EPB41L4A: variants seen among roughly 807,000 people sequenced by gnomAD.
EPB41L4A encodes erythrocyte membrane protein band 4.1 like 4A.
Under a neutral mutation model 108.6 loss-of-function variants are expected in EPB41L4A, and 100 were observed. That is an observed-to-expected ratio of 0.92 (90% confidence interval 0.78 to 1.09). The LOEUF (loss-of-function observed/expected upper bound fraction) is 1.09, where lower values mean the gene tolerates loss of function less well. EPB41L4A is among the 50% of genes least tolerant of loss of function. EPB41L4A has a pLI of 0.00. For missense variants in EPB41L4A, 1,030 were observed against 842.7 expected (o/e 1.22, Z -2.75); for synonymous variants, 319 against 289.0 (o/e 1.10, Z -1.05).
intron 1 of EPB41L4A, among the ~76,000 whole-genome samples, chr5:112,396,365 T>C (rs1761352135): frequency 6.6e-6 from 1 of 152,232 alleles, no homozygotes; most frequent in Admixed American, 6.5e-5. Context: ...GACTATGTCA[T>C]ATTGAGTTTT....
downstream of EPB41L4A, among the ~76,000 whole-genome samples, chr5:112,160,294 T>C (rs554841638): frequency 2.2e-4 from 34 of 152,248 alleles, no homozygotes; most frequent in Admixed American, 1.7e-3. Flanking sequence ...CGCTACCCTA[T>C]GGCATGACCC....
chr5:112,339,474 CTATATATATATATATA>C lies in EPB41L4A; in HGVS notation c.100-32000_100-31985del, dbSNP rs56972746. On this transcript the variant is annotated intron_variant, in intron 1 of 22. Coordinates refer to ENST00000261486, the MANE Select transcript of EPB41L4A (RefSeq NM_022140.5). ...TATATAGCTATAGATATATATATAT[CTATATATATATATATA>C]TATATCTATATATATATATAGATAT... 5.8e-4 allele frequency among the ~76,000 whole-genome samples: 67 copies of C among 115,682 alleles called. 1 individual carries two copies. The highest frequency in any genetic ancestry group is 2.4e-3 in the African/African-American group (64 of 26,192). The allele number at this position is 115,682 out of a possible 152,430, so 75.9% of individuals were successfully genotyped here. A position where few individuals can be genotyped will look rare whatever the true frequency, so the allele number is the denominator to read the frequency against.
At chr5:112,300,043 G>T (rs1754252815) in intron 2 of EPB41L4A, among the ~76,000 whole-genome samples, 1 of 152,090 alleles carries the variant, frequency 6.6e-6, no homozygotes, top group Non-Finnish European at 1.5e-5. Context: ...GTCCTTATAT[G>T]TTAGGTGAGT....
At chr5:112,335,488 T>G (rs889647810) in intron 1 of EPB41L4A, among the ~76,000 whole-genome samples, 1 of 152,208 alleles carries the variant, frequency 6.6e-6, no homozygotes, top group Admixed American at 6.5e-5. Flanking sequence ...CTTCTAGACA[T>G]TCATGTCTAT....
chr5:112,347,317 GC>G (rs1212900601), intron 1 of EPB41L4A, among the ~76,000 whole-genome samples: 3 of 152,202 alleles, frequency 2.0e-5, no homozygotes, highest in Non-Finnish European at 2.9e-5. Context: ...ATGGTGGAAA[GC>G]AATGGTAGTT....
At chr5:112,283,582 G>C (rs1753094302) in intron 2 of EPB41L4A, among the ~76,000 whole-genome samples, 1 of 152,154 alleles carries the variant, frequency 6.6e-6, no homozygotes, top group African/African-American at 2.4e-5. Context: ...CTGTTTTAAG[G>C]AATACATCCA....
At chr5:112,293,337 T>C (rs1740704195) in intron 2 of EPB41L4A, among the ~76,000 whole-genome samples, 1 of 152,128 alleles carries the variant, frequency 6.6e-6, no homozygotes, top group African/African-American at 2.4e-5. Context: ...CTGGTACCCA[T>C]TAGTTATTTT....
At position 112,218,108 on chromosome 5, in the gene EPB41L4A, G is replaced by A. The variant is rs79511988; in HGVS notation, c.1088-8126C>T. Among the ~76,000 whole-genome samples, 2,190 of 152,300 alleles carry A rather than the reference G, an allele frequency of 0.014. 223 individuals are homozygous for A. The East Asian group carries it at 0.26, about 18-fold the overall frequency. ...GAGGTACTCACAGACAGTCCTCCTT[G>A]TGGGTCAGAATGCCAGGTTCAAAAA... On this transcript the variant is annotated intron_variant, in intron 12 of 22. Transcript: ENST00000261486.
intron 9 of EPB41L4A, among the ~76,000 whole-genome samples, chr5:112,243,400 A>G (rs1447229113): frequency 6.6e-6 from 1 of 152,096 alleles, no homozygotes; most frequent in East Asian, 1.9e-4. Flanking sequence ...TCATTTGTAT[A>G]GAACCCAGAA....
chr5:112,340,340 T>G (rs948417022), intron 1 of EPB41L4A, among the ~76,000 whole-genome samples: 1 of 152,188 alleles, frequency 6.6e-6, no homozygotes, highest in Non-Finnish European at 1.5e-5. Flanking sequence ...GAGCTCCTAA[T>G]TCAGCTGATC....
At chr5:112,292,798 AT>A (rs1018947361) in intron 2 of EPB41L4A, among the ~76,000 whole-genome samples, 1 of 152,076 alleles carries the variant, frequency 6.6e-6, no homozygotes, top group African/African-American at 2.4e-5. Flanking sequence ...GAAACCCTAA[AT>A]TTAAAAAAAA....
chr5:112,253,069 C>G (rs983957857), intron 9 of EPB41L4A, among the ~76,000 whole-genome samples: 9 of 152,084 alleles, frequency 5.9e-5, no homozygotes, highest in South Asian at 2.1e-4. Flanking sequence ...TCAATGAATG[C>G]TAAATTTACA....
intron 1 of EPB41L4A, among the ~76,000 whole-genome samples, chr5:112,374,475 C>A (rs542193830): frequency 6.6e-6 from 1 of 152,158 alleles, no homozygotes; most frequent in Non-Finnish European, 1.5e-5. Flanking sequence ...AAAAATGATT[C>A]GCACTATAAA....
At chr5:112,329,605 C>G (rs1477979463) in intron 1 of EPB41L4A, among the ~76,000 whole-genome samples, 1 of 152,208 alleles carries the variant, frequency 6.6e-6, no homozygotes, top group African/African-American at 2.4e-5. Context: ...TTCCTGCCTT[C>G]CGGTTCATGG....
At chr5:112,249,300 C>T (rs1481851752) in intron 9 of EPB41L4A, 1 of 152,056 alleles carries the variant, frequency 6.6e-6, no homozygotes, top group Non-Finnish European at 1.5e-5. Flanking sequence ...AGTTTAGGTT[C>T]CAGGGAGAGA....
rs531074634 is a variant in EPB41L4A, at chr5:112,165,199, T to G, written c.1933-81A>C. 2.8e-6 allele frequency: 3 copies of G among 1,078,394 alleles called. No homozygotes were observed. In the African/African-American group the frequency reaches 4.8e-5, roughly 17 times the overall value. 66.8% of individuals were successfully genotyped at this position (1,078,394 alleles called of 1,614,324 possible). On this transcript the variant is annotated intron_variant, in intron 22 of 22. Coordinates refer to ENST00000261486, the MANE Select transcript of EPB41L4A (RefSeq NM_022140.5). ...ATTTTAATTACATCAGAAACCAAGC[T>G]GCTCTTAAATTTAAGATACTGAGTT... is the stretch of plus-strand genomic sequence containing the variant.
chr5:112,297,231 G>A (rs1213263882), intron 2 of EPB41L4A, among the ~76,000 whole-genome samples: 1 of 152,120 alleles, frequency 6.6e-6, no homozygotes, highest in Non-Finnish European at 1.5e-5. Flanking sequence ...TTCCATAGTG[G>A]CTGTACTAGT....
At chr5:112,270,285 G>A (rs1580575745) in intron 4 of EPB41L4A, among the ~76,000 whole-genome samples, 1 of 152,130 alleles carries the variant, frequency 6.6e-6, no homozygotes. Context: ...TTTGATTTTA[G>A]GTGCTAGCTG....
In EPB41L4A at chr5:112,418,986, C is replaced by T. The variant is rs1201804798; in HGVS notation, c.54G>A (p.Leu18=). 2 of 1,613,614 alleles carry T rather than the reference C, an allele frequency of 1.2e-6. No individual in the cohort carries two copies. The highest frequency in any genetic ancestry group is 4.5e-5 in the East Asian group (2 of 44,812). The change falls in exon 1 of 23, where the codon CTG becomes CTA. Residue 18 remains leucine (L), a synonymous_variant. Coordinates refer to ENST00000261486, the MANE Select transcript of EPB41L4A (RefSeq NM_022140.5). ...TGGTAAGGGTTAACTTGGATTCATCCAGGAGCAAAACTTCGCAGTAAAATT... is the reference window on the plus strand; with the variant it reads ...TGGTAAGGGTTAACTTGGATTCATCTAGGAGCAAAACTTCGCAGTAAAATT... The part of the protein sequence containing the change: ...PEEFYCEVLL[L]DESKLTLTTQ...
Sources: allele counts gnomAD v4.1 joint callset (sites outside exome capture counted in the v4.1 genomes callset), GRCh38; gene constraint gnomAD v4.1.1; transcripts MANE v1.5; gene names NCBI Gene and HGNC (gene_info 2026-07-23, HGNC 2026-07-21).